Variants in MAST4 observed in about 807,000 individuals in gnomAD.
MAST4 encodes the protein microtubule associated serine/threonine kinase family member 4, also known as microtubule-associated serine/threonine-protein kinase 4.
A neutral mutation model predicts 162.7 loss-of-function variants in MAST4; 89 were observed. The observed-to-expected ratio is 0.55, with a 90% CI of 0.46 to 0.65. MAST4 has a LOEUF of 0.65. Ranked by LOEUF, MAST4 falls within the 30% of genes least tolerant of loss-of-function variation. MAST4 has a pLI of 0.00. For missense variants in MAST4, 3,153 were observed against 3,374.0 expected (o/e 0.93, Z 1.62); for synonymous variants, 1,479 against 1,361.1 (o/e 1.09, Z -1.91).
intron 3 of MAST4, among the ~76,000 whole-genome samples, chr5:66,864,288 T>C (rs73098037): frequency 0.011 from 1,604 of 152,308 alleles, 28 homozygotes; most frequent in African/African-American, 0.037. Context: ...ATGGGCATTC[T>C]TTGCAAAATA....
Position 67,164,381 on chromosome 5 carries a change from G to C in MAST4, c.5202G>C (p.Pro1734=). 1 of 1,613,972 alleles carries C rather than the reference G, an allele frequency of 6.2e-7. No individual in the cohort carries two copies. Residue 1734 remains proline, a synonymous_variant, in exon 29 of 29, where the codon CCG becomes CCC. Transcript: ENST00000403625. This position sits in a 1 kb window ranked among gnomAD's most constrained non-coding sequence, Gnocchi z 5.3. ...CGGGTGGGCAGCAGGAGCCCCCGCC[G>C]GCTTCTGAGAGCCGAGCTTTTGTCA... is the stretch of plus-strand genomic sequence containing the variant. ...RPTGGQQEPP[P]ASESRAFVSS... is the part of the protein sequence containing the mutation.
At chr5:66,888,688 G>A (rs367937329) in intron 3 of MAST4, among the ~76,000 whole-genome samples, 11 of 152,244 alleles carry the variant, frequency 7.2e-5, no homozygotes, top group East Asian at 3.9e-4. Flanking sequence ...TAGCAAACTC[G>A]TCCCCTGATG....
At chr5:67,047,627 T>C (rs1357226002) in intron 4 of MAST4, among the ~76,000 whole-genome samples, 2 of 152,196 alleles carry the variant, frequency 1.3e-5, no homozygotes, top group Non-Finnish European at 2.9e-5. Context: ...CCCTCCAAAA[T>C]GTAAGCTCCC....
chr5:66,677,732 G>A (rs1056217170), intron 1 of MAST4, among the ~76,000 whole-genome samples: 4 of 152,166 alleles, frequency 2.6e-5, no homozygotes, highest in African/African-American at 9.7e-5. Context: ...GAGTAGAAAT[G>A]AGCCAGGCAC....
chr5:66,903,438 T>TG (rs1763137535), intron 4 of MAST4, among the ~76,000 whole-genome samples: 1 of 148,616 alleles, frequency 6.7e-6, no homozygotes, highest in Non-Finnish European at 1.5e-5. Context: ...ACACCTGTGT[T>TG]TGTGTGTGTG....
intron 4 of MAST4, among the ~76,000 whole-genome samples, chr5:66,977,342 C>G (rs574456158): frequency 6.6e-6 from 1 of 152,068 alleles, no homozygotes; most frequent in Non-Finnish European, 1.5e-5. Flanking sequence ...CTCAGGTGAT[C>G]CACCCGCCTC....
chr5:67,102,452 A>G, intron 8 of MAST4, 84 bp from the exon 9 acceptor site: 1 of 1,242,138 alleles, frequency 8.1e-7, no homozygotes, highest in South Asian at 1.2e-5. Context: ...AGTACTTTTG[A>G]TGCAACTGAC....
chr5:66,921,616 C>T (rs71610543), intron 4 of MAST4, among the ~76,000 whole-genome samples: 1,529 of 152,014 alleles, frequency 0.01, 13 homozygotes, highest in South Asian at 0.042. Context: ...AAAAATTAGC[C>T]GGTATGGTGG....
chr5:67,136,002 T>C (rs1769596549), intron 18 of MAST4, among the ~76,000 whole-genome samples: 1 of 152,212 alleles, frequency 6.6e-6, no homozygotes, highest in Non-Finnish European at 1.5e-5. Flanking sequence ...TTTTTTCTTC[T>C]TCAGTCTTAG....
intron 22 of MAST4, 92 bp from the exon 23 acceptor site, chr5:67,145,052 C>A: frequency 8.6e-7 from 1 of 1,160,994 alleles, no homozygotes; most frequent in Non-Finnish European, 1.2e-6. Flanking sequence ...TAGGCTTATC[C>A]AAGTCCGATT....
intron 3 of MAST4, among the ~76,000 whole-genome samples, chr5:66,810,201 T>C (rs1162976440): frequency 6.6e-6 from 1 of 152,190 alleles, no homozygotes; most frequent in Non-Finnish European, 1.5e-5. Flanking sequence ...TCCTGGTGTT[T>C]AGTCAGGATG....
At chr5:67,110,790 G>A (rs760608038) in intron 11 of MAST4, among the ~76,000 whole-genome samples, 3 of 152,182 alleles carry the variant, frequency 2.0e-5, no homozygotes, top group Non-Finnish European at 2.9e-5. Context: ...TTGGGAGGCC[G>A]AGACAGGCAG....
intron 4 of MAST4, among the ~76,000 whole-genome samples, chr5:66,999,847 T>C (rs1258567742): frequency 6.6e-6 from 1 of 152,232 alleles, no homozygotes; most frequent in Non-Finnish European, 1.5e-5. Flanking sequence ...TTATCTGTCT[T>C]AGTTTTCAGC....
chr5:66,635,397 G>A (rs1028536839), intron 1 of MAST4, among the ~76,000 whole-genome samples: 11 of 152,150 alleles, frequency 7.2e-5, no homozygotes, highest in Non-Finnish European at 1.2e-4. Flanking sequence ...GGCTCGTCAC[G>A]CTAATGACTA....
chr5:66,759,693 C>T lies in MAST4; in HGVS notation c.364-16C>T. ...TGATGCCCTAGCCAGTGATGCCATT[C>T]TTCCTCTTTCTGCAGCTTGACCACA... On this transcript the variant is annotated splice_polypyrimidine_tract_variant and intron_variant, in intron 1 of 28. Coordinates refer to ENST00000403625, the MANE Select transcript of MAST4 (RefSeq NM_001164664.2). The T allele has an allele frequency of 6.2e-7, 1 of 1,613,286 alleles. No individual in the cohort carries two copies. The highest frequency in any genetic ancestry group is 1.1e-5 in the South Asian group (1 of 90,924).
In MAST4 at chr5:67,114,137, T is replaced by C. The variant is rs781778380; in HGVS notation, c.1509T>C (p.His503=). Residue 503 remains histidine (H), a synonymous_variant, in exon 12 of 29, where the codon CAT becomes CAC. Transcript: ENST00000403625. ...ACCTATTGGAAGCAGCAGAAGGCCATGCCAAAGAAGGACAGGGTATTAAAA... is the reference window on the plus strand; with the variant it reads ...ACCTATTGGAAGCAGCAGAAGGCCACGCCAAAGAAGGACAGGGTATTAAAA... ...FYYLLEAAEG[H]AKEGQGIKTD... 5.6e-6 allele frequency: 9 copies of C among 1,613,532 alleles called. No individual in the cohort carries two copies. The Admixed American group carries it at 1.3e-4, about 24-fold the overall frequency.
Position 67,165,997 on chromosome 5 carries a change from T to A in MAST4, c.6818T>A (p.Val2273Asp). 1.2e-6 allele frequency: 2 copies of A among 1,613,476 alleles called. No individual in the cohort carries two copies. Among genetic ancestry groups the A allele is most frequent in the South Asian group, 1.1e-5 (1 of 91,076 alleles). Residue 2273 changes from valine (V) to aspartate (D), a missense_variant, in exon 29 of 29, where the codon GTC (valine) becomes GAC (aspartate). Val to Asp is a radical substitution (Grantham distance 152). Coordinates refer to ENST00000403625, the MANE Select transcript of MAST4 (RefSeq NM_001164664.2). ...GGCCAGGGAGAAGGTGGGCCCTCTG[T>A]CCCACTGCACACTGACAGGGCTCCT... Reference protein sequence around the residue: ...GIGQGEGGPSVPLHTDRAPLD... With the variant: ...GIGQGEGGPSDPLHTDRAPLD...
intron 4 of MAST4, among the ~76,000 whole-genome samples, chr5:67,041,731 C>T (rs868307839): frequency 1.3e-5 from 2 of 152,204 alleles, no homozygotes; most frequent in Non-Finnish European, 1.5e-5. Flanking sequence ...CAGGTTCAAG[C>T]GATCCTTCTG....
intron 1 of MAST4, among the ~76,000 whole-genome samples, chr5:66,661,136 C>A (rs1746881720): frequency 6.6e-6 from 1 of 152,142 alleles, no homozygotes; most frequent in Admixed American, 6.5e-5. Flanking sequence ...GCAACGTGAA[C>A]ATAGTGGCTT....
Sources: allele counts gnomAD v4.1 joint callset (sites outside exome capture counted in the v4.1 genomes callset), GRCh38; gene constraint gnomAD v4.1.1; non-coding constraint Gnocchi (gnomAD v3.1); transcripts MANE v1.5; gene names NCBI Gene and HGNC (gene_info 2026-07-23, HGNC 2026-07-21).